CIMIP2A: variants seen among roughly 807,000 people sequenced by gnomAD.
The protein encoded by CIMIP2A is family with sequence similarity 166 member A.
chr9:137,245,778 T>C, the CIMIP2A span: 4 of 1,544,540 alleles, frequency 2.6e-6, 1 homozygote, highest in South Asian at 4.9e-5. Flanking sequence ...CACTGGGGTC[T>C]GTGAGCAGCT....
the CIMIP2A span, chr9:137,245,872 A>G: frequency 6.7e-7 from 1 of 1,488,924 alleles, no homozygotes; most frequent in Non-Finnish European, 8.9e-7. Context: ...GGAAGAGAAG[A>G]AGGCAGGGCA....
At chr9:137,253,367 C>A in the CIMIP2A span, 1 of 1,534,614 alleles carries the variant, frequency 6.5e-7, no homozygotes, top group Non-Finnish European at 8.8e-7. Context: ...CTCTGGGCAC[C>A]CCGATGCACC....
At chr9:137,245,695 T>A in the CIMIP2A span, 1 of 1,604,582 alleles carries the variant, frequency 6.2e-7, no homozygotes, top group Non-Finnish European at 8.5e-7. Flanking sequence ...CCTCGGGGGC[T>A]TGGACTGGCT....
At chr9:137,247,158 G>A in the CIMIP2A span, among the ~76,000 whole-genome samples, 1 of 152,226 alleles carries the variant, frequency 6.6e-6, no homozygotes, top group African/African-American at 2.4e-5. Flanking sequence ...GGTGGCAGAT[G>A]CCTGTAATCC....
the CIMIP2A span, chr9:137,244,813 T>C: frequency 1.3e-6 from 2 of 1,580,798 alleles, no homozygotes; most frequent in South Asian, 2.3e-5. Flanking sequence ...CCCTCAGACG[T>C]GTCAGGGAAG....
chr9:137,252,896 C>CT, the CIMIP2A span: 1 of 1,597,244 alleles, frequency 6.3e-7, no homozygotes, highest in South Asian at 1.1e-5. Flanking sequence ...TGGGAGCCGC[C>CT]TGCAGAGCCC....
the CIMIP2A span, chr9:137,252,156 G>C: frequency 6.3e-7 from 1 of 1,595,970 alleles, no homozygotes; most frequent in Non-Finnish European, 8.5e-7. Flanking sequence ...CCTCCCTGAG[G>C]CCCAACCACC....
the CIMIP2A span, chr9:137,244,170 C>T: frequency 1.2e-6 from 2 of 1,613,582 alleles, no homozygotes; most frequent in Admixed American, 1.7e-5. Flanking sequence ...ACTCTACTCA[C>T]CGGGGATGAA....
chr9:137,244,622 C>T, the CIMIP2A span: 4 of 1,612,680 alleles, frequency 2.5e-6, no homozygotes, highest in East Asian at 6.7e-5. Flanking sequence ...GGGAGCAGGC[C>T]CTGGATGGCG....
chr9:137,246,501 C>G, the CIMIP2A span, among the ~76,000 whole-genome samples: 1 of 152,124 alleles, frequency 6.6e-6, no homozygotes, highest in South Asian at 2.1e-4. Flanking sequence ...CGGTGGCTCA[C>G]GCCTGTCATC....
chr9:137,252,082 G>A, the CIMIP2A span: 10 of 1,612,614 alleles, frequency 6.2e-6, no homozygotes, highest in Admixed American at 3.3e-5. Flanking sequence ...CCGTCCGTAC[G>A]AGAGTCCTCC....
the CIMIP2A span, chr9:137,252,903 G>T: frequency 6.3e-7 from 1 of 1,597,924 alleles, no homozygotes; most frequent in African/African-American, 1.3e-5. Flanking sequence ...CGCCTGCAGA[G>T]CCCCCGCTCG....
the CIMIP2A span, among the ~76,000 whole-genome samples, chr9:137,248,860 C>A: frequency 6.6e-6 from 1 of 152,090 alleles, no homozygotes; most frequent in South Asian, 2.1e-4. Flanking sequence ...AGAACCAGAC[C>A]ATTTCTCACA....
the CIMIP2A span, among the ~76,000 whole-genome samples, chr9:137,254,133 C>A: frequency 6.6e-6 from 1 of 152,248 alleles, no homozygotes; most frequent in Non-Finnish European, 1.5e-5. Context: ...CTCCCCAGAC[C>A]CAGGACCCAG....
At chr9:137,245,703 G>A in the CIMIP2A span, 1 of 1,603,796 alleles carries the variant, frequency 6.2e-7, no homozygotes, top group Admixed American at 1.7e-5. Context: ...GCTTGGACTG[G>A]CTGAAGTCCT....
the CIMIP2A span, chr9:137,244,936 C>A: frequency 6.2e-7 from 1 of 1,600,604 alleles, no homozygotes; most frequent in African/African-American, 1.3e-5. Context: ...CTCCTGGAAG[C>A]AGCTGGGAGG....
the CIMIP2A span, among the ~76,000 whole-genome samples, chr9:137,243,997 C>A: frequency 7.1e-6 from 1 of 140,862 alleles, no homozygotes; most frequent in Non-Finnish European, 1.6e-5. Flanking sequence ...GGTCCAGTGA[C>A]CCCCCTTCCA....
chr9:137,244,016 A>G, the CIMIP2A span, among the ~76,000 whole-genome samples: 6 of 152,156 alleles, frequency 3.9e-5, no homozygotes, highest in Non-Finnish European at 8.8e-5. Flanking sequence ...CAAAAGGGGT[A>G]GGGAGGATGG....
chr9:137,250,571 T>C, the CIMIP2A span: 1 of 152,830 alleles, frequency 6.5e-6, no homozygotes, highest in African/African-American at 2.4e-5. Flanking sequence ...GACCAACTGG[T>C]GGTCAGCTCC....
Sources: allele counts gnomAD v4.1 joint callset (sites outside exome capture counted in the v4.1 genomes callset), GRCh38; gene constraint gnomAD v4.1.1; transcripts MANE v1.5; gene names NCBI Gene and HGNC (gene_info 2026-07-23, HGNC 2026-07-21).